The following CADPS2 variants were observed in gnomAD, a reference collection of about 807,000 sequenced individuals.
CADPS2 encodes the protein calcium-dependent secretion activator 2.
CADPS2 carries 93 observed loss-of-function variants against 172.5 expected under a neutral mutation model. The ratio of observed to expected loss-of-function variants is 0.54; its 90% CI spans 0.46 to 0.64. The LOEUF (loss-of-function observed/expected upper bound fraction) is 0.64. Ranked by LOEUF, CADPS2 falls within the 30% of genes least tolerant of loss-of-function variation. CADPS2 has a pLI of 0.00. For synonymous variants in CADPS2, 546 were observed against 555.2 expected (o/e 0.98, Z 0.23); for missense variants, 1,420 against 1,565.9 (o/e 0.91, Z 1.57).
At chr7:122,804,449 G>A (rs2140030200) in intron 1 of CADPS2, among the ~76,000 whole-genome samples, 1 of 152,174 alleles carries the variant, frequency 6.6e-6, no homozygotes, top group Admixed American at 6.5e-5. Context: ...ACAAATGAAT[G>A]GCTGATGATT....
intron 17 of CADPS2, among the ~76,000 whole-genome samples, chr7:122,425,735 A>AT (rs1006686176): frequency 2.0e-5 from 3 of 152,244 alleles, no homozygotes; most frequent in Admixed American, 6.5e-5. Flanking sequence ...CATTGTATCC[A>AT]TTTTTTTCTA....
At chr7:122,588,083 T>A (rs1270533349) in intron 6 of CADPS2, among the ~76,000 whole-genome samples, 1 of 152,096 alleles carries the variant, frequency 6.6e-6, no homozygotes, top group Admixed American at 6.6e-5. Flanking sequence ...TCTTGTAAAT[T>A]TGAGTTCCTT....
intron 14 of CADPS2, among the ~76,000 whole-genome samples, chr7:122,460,168 T>A (rs1389714626): frequency 2.0e-5 from 3 of 151,994 alleles, no homozygotes; most frequent in Non-Finnish European, 4.4e-5. Context: ...CCCAAATCCT[T>A]ATTCACTACA....
At chr7:122,661,471 C>T (rs575319682) in intron 3 of CADPS2, among the ~76,000 whole-genome samples, 1 of 151,996 alleles carries the variant, frequency 6.6e-6, no homozygotes, top group Non-Finnish European at 1.5e-5. Context: ...CTAGTATATT[C>T]TAATCCATAT....
chr7:122,427,730 A>G (rs1362155383), intron 17 of CADPS2, among the ~76,000 whole-genome samples: 1 of 150,276 alleles, frequency 6.7e-6, no homozygotes, highest in African/African-American at 2.4e-5. Context: ...CTTAGATAAC[A>G]CTTTTTTTTT....
intron 28 of CADPS2, among the ~76,000 whole-genome samples, chr7:122,340,158 C>T (rs75962897): frequency 0.026 from 3,881 of 152,146 alleles, 157 homozygotes; most frequent in African/African-American, 0.088. Flanking sequence ...CTTTATAAAA[C>T]GCTGTTTGGA....
intron 8 of CADPS2, among the ~76,000 whole-genome samples, chr7:122,548,554 G>A (rs1265211254): frequency 6.6e-6 from 1 of 152,072 alleles, no homozygotes; most frequent in Non-Finnish European, 1.5e-5. Context: ...TGATAGACTG[G>A]TAGAGCTATA....
At chr7:122,375,652 T>A (rs1287400695) in intron 25 of CADPS2, among the ~76,000 whole-genome samples, 1 of 152,062 alleles carries the variant, frequency 6.6e-6, no homozygotes, top group Non-Finnish European at 1.5e-5. Flanking sequence ...CCTCAAACCA[T>A]AAAACTTCTA....
In CADPS2 at chr7:122,886,292, C is replaced by T; in HGVS notation, c.46G>A (p.Glu16Lys). 1 of 1,504,978 alleles carries T rather than the reference C, an allele frequency of 6.6e-7. No individual in the cohort carries two copies. Among genetic ancestry groups the T allele is most frequent in the African/African-American group, 1.5e-5 (1 of 68,954 alleles). The allele number at this position is 1,504,978 out of a possible 1,614,324, so 93.2% of individuals were successfully genotyped here. Reference protein sequence around the residue: ...SSEEESDEGLEEESRDVLVAA... With the variant: ...SSEEESDEGLKEESRDVLVAA... ...ACCAGCACATCGCGGCTTTCCTCTT[C>T]CAGCCCCTCGTCCGACTCCTCTTCG... is the stretch of plus-strand genomic sequence containing the variant. Residue 16 changes from glutamate (E) to lysine (K), a missense_variant, in exon 1 of 30, where the codon GAA (glutamate) becomes AAA (lysine). Coordinates refer to ENST00000449022, the MANE Select transcript of CADPS2 (RefSeq NM_017954.11).
chr7:122,663,677 G>T, intron 2 of CADPS2, 108 bp from the exon 3 acceptor site: 1 of 759,586 alleles, frequency 1.3e-6, no homozygotes, highest in Non-Finnish European at 2.1e-6. Flanking sequence ...AAATATTTCA[G>T]CCAAATACTC....
At chr7:122,403,451 A>G (rs144026326) in intron 20 of CADPS2, among the ~76,000 whole-genome samples, 2 of 152,364 alleles carry the variant, frequency 1.3e-5, no homozygotes, top group South Asian at 2.1e-4. Flanking sequence ...TGAGTGCTCA[A>G]AAGAGATTAG....
chr7:122,507,972 G>C (rs2059730366), intron 9 of CADPS2, among the ~76,000 whole-genome samples: 6 of 152,112 alleles, frequency 3.9e-5, no homozygotes, highest in Admixed American at 3.3e-4. Context: ...AGTTTGGGAA[G>C]TAACCTAAAT....
At chr7:122,874,361 C>T (rs1820645246) in intron 1 of CADPS2, among the ~76,000 whole-genome samples, 1 of 152,086 alleles carries the variant, frequency 6.6e-6, no homozygotes, top group Non-Finnish European at 1.5e-5. Context: ...GAACTACAAA[C>T]CACTGCTCAA....
At chr7:122,379,587 A>G in intron 24 of CADPS2, 145 bp from the exon 25 acceptor site, 1 of 636,666 alleles carries the variant, frequency 1.6e-6, no homozygotes, top group Non-Finnish European at 2.8e-6. Context: ...AAAACCTTGA[A>G]AATGATCCAC....
chr7:122,862,589 C>T (rs2141314561), intron 1 of CADPS2, among the ~76,000 whole-genome samples: 1 of 152,230 alleles, frequency 6.6e-6, no homozygotes, highest in Admixed American at 6.5e-5. Context: ...GGGCTTCCCT[C>T]CATAGTCAAT....
At chr7:122,371,402 G>A (rs562185223) in intron 25 of CADPS2, among the ~76,000 whole-genome samples, 1 of 151,260 alleles carries the variant, frequency 6.6e-6, no homozygotes. Context: ...TTCTTCACAG[G>A]GCAGCAGGAT....
At position 122,590,402 on chromosome 7, in the gene CADPS2, T is replaced by G. The variant is rs533926684; in HGVS notation, c.1224-9112A>C. On this transcript the variant is annotated intron_variant, in intron 6 of 29. Transcript: ENST00000449022. Reference sequence around the variant, plus strand: ...CCAAATTGTTCTATAACATGTTCTTTTATGTAACACTATATCTTGAACTTC... The same window carrying G: ...CCAAATTGTTCTATAACATGTTCTTGTATGTAACACTATATCTTGAACTTC... Among the ~76,000 whole-genome samples, 34 of 152,062 alleles carry G rather than the reference T, an allele frequency of 2.2e-4. No homozygotes were observed. In the South Asian group the frequency reaches 6.4e-3, roughly 29 times the overall value.
At chr7:122,837,628 C>T (rs911483411) in intron 1 of CADPS2, among the ~76,000 whole-genome samples, 1 of 152,114 alleles carries the variant, frequency 6.6e-6, no homozygotes, top group Admixed American at 6.5e-5. Context: ...ATACAAACTA[C>T]CATCAGAGAA....
chr7:122,820,495 C>T (rs1802832821), intron 1 of CADPS2, among the ~76,000 whole-genome samples: 1 of 148,276 alleles, frequency 6.7e-6, no homozygotes, highest in Non-Finnish European at 1.5e-5. Flanking sequence ...ACACAAGAGC[C>T]AGGACCACAC....
Sources: allele counts gnomAD v4.1 joint callset (sites outside exome capture counted in the v4.1 genomes callset), GRCh38; gene constraint gnomAD v4.1.1; transcripts MANE v1.5; gene names NCBI Gene and HGNC (gene_info 2026-07-23, HGNC 2026-07-21).